Variants in CYRIB observed in about 807,000 individuals in gnomAD.
The protein encoded by CYRIB is CYFIP related Rac1 interactor B.
In CYRIB, 8 loss-of-function variants were observed where a neutral mutation model predicts 44.2. The observed-to-expected ratio is 0.18, with a 90% CI of 0.11 to 0.33. CYRIB has a LOEUF of 0.33. Ranked by LOEUF, CYRIB falls within the 10% of genes least tolerant of loss-of-function variation. The probability of loss-of-function intolerance (pLI) is 1.00; values close to 1 mark genes in which losing one functional copy is unlikely to be tolerated. For synonymous variants in CYRIB, 131 were observed against 127.2 expected (o/e 1.03, Z -0.20); for missense variants, 185 against 382.8 (o/e 0.48, Z 4.31).
At chr8:129,929,826 C>T (rs1183195869) in intron 1 of CYRIB, among the ~76,000 whole-genome samples, 1 of 152,120 alleles carries the variant, frequency 6.6e-6, no homozygotes, top group Non-Finnish European at 1.5e-5. Flanking sequence ...CTAAAACTAC[C>T]TGGAATAAAT....
chr8:129,989,485 G>T (rs1056422781), intron 1 of CYRIB, among the ~76,000 whole-genome samples: 12 of 152,144 alleles, frequency 7.9e-5, no homozygotes, highest in African/African-American at 2.9e-4. Flanking sequence ...CACGTAAGGG[G>T]CACTCTGAGT....
intron 5 of CYRIB, among the ~76,000 whole-genome samples, chr8:129,859,934 A>T (rs148956101): frequency 6.6e-6 from 1 of 152,292 alleles, no homozygotes; most frequent in Non-Finnish European, 1.5e-5. Context: ...GTGTAGTTAA[A>T]CCCTGTCAGC....
intron 4 of CYRIB, among the ~76,000 whole-genome samples, chr8:129,863,514 G>C (rs2051203762): frequency 6.7e-6 from 1 of 149,646 alleles, no homozygotes; most frequent in Admixed American, 6.7e-5. Flanking sequence ...GATAGAGCGA[G>C]ACTCTGTCTT....
At chr8:129,966,589 G>A (rs561020243) in intron 2 of CYRIB, among the ~76,000 whole-genome samples, 3 of 152,300 alleles carry the variant, frequency 2.0e-5, no homozygotes, top group South Asian at 2.1e-4. Flanking sequence ...AAGGCCAGGC[G>A]CAGTGGCTCA....
chr8:129,869,521 T>C (rs150902147), intron 4 of CYRIB, among the ~76,000 whole-genome samples: 145 of 152,290 alleles, frequency 9.5e-4, no homozygotes, highest in African/African-American at 3.4e-3. Flanking sequence ...AACTAATTTG[T>C]AGCACTGATA....
At chr8:129,851,280 G>T (rs552503857) in intron 8 of CYRIB, 2 of 207,474 alleles carry the variant, frequency 9.6e-6, no homozygotes, top group Non-Finnish European at 1.9e-5. Flanking sequence ...GAGGGAACAT[G>T]GTTTATGTTT....
intron 1 of CYRIB, among the ~76,000 whole-genome samples, chr8:129,933,201 T>C (rs2092007666): frequency 6.6e-6 from 1 of 152,168 alleles, no homozygotes; most frequent in East Asian, 1.9e-4. Context: ...TATAAAGCCT[T>C]GATTACCAGC....
intron 1 of CYRIB, among the ~76,000 whole-genome samples, chr8:129,935,349 G>A (rs902997467): frequency 5.5e-4 from 83 of 152,232 alleles, no homozygotes; most frequent in African/African-American, 1.9e-3. Context: ...ATTTTTCCAC[G>A]GACAGGGCGA....
At chr8:129,902,678 A>C (rs2072912814) in intron 2 of CYRIB, among the ~76,000 whole-genome samples, 2 of 152,184 alleles carry the variant, frequency 1.3e-5, no homozygotes, top group Non-Finnish European at 1.5e-5. Context: ...GTTTATAACT[A>C]AGAAGAACAC....
At chr8:129,904,930 T>C (rs918324175) in intron 1 of CYRIB, among the ~76,000 whole-genome samples, 1 of 152,126 alleles carries the variant, frequency 6.6e-6, no homozygotes, top group Non-Finnish European at 1.5e-5. Context: ...CAAATAAACG[T>C]GTGTGTTTAT....
At chr8:129,911,991 G>A (rs773251190) in intron 1 of CYRIB, among the ~76,000 whole-genome samples, 4 of 152,134 alleles carry the variant, frequency 2.6e-5, no homozygotes, top group Non-Finnish European at 4.4e-5. Context: ...TTTAAGATAC[G>A]TTCTGTGAAA....
intron 2 of CYRIB, among the ~76,000 whole-genome samples, chr8:129,892,557 A>G (rs1452682747): frequency 1.3e-5 from 2 of 152,076 alleles, no homozygotes; most frequent in East Asian, 3.8e-4. Flanking sequence ...ATATATGCCA[A>G]TAGTTTCAAT....
At chr8:129,855,704 T>C (rs202014391) in exon 6 of CYRIB, 129 of 1,613,938 alleles carry the variant, frequency 8.0e-5, no homozygotes, top group Non-Finnish European at 1.0e-4. Flanking sequence ...TGGGAGAATA[T>C]GGGGTACTTG....
intron 9 of CYRIB, chr8:129,850,619 T>C (rs995181354): frequency 1.8e-6 from 1 of 548,774 alleles, no homozygotes; most frequent in African/African-American, 1.9e-5. Flanking sequence ...CTGAGGTACC[T>C]GAAGACCAAC....
intron 1 of CYRIB, among the ~76,000 whole-genome samples, chr8:129,911,000 T>C (rs563615776): frequency 1.3e-5 from 2 of 152,306 alleles, no homozygotes; most frequent in African/African-American, 4.8e-5. Flanking sequence ...AGCTATTTTT[T>C]CCTCCACAAT....
chr8:129,854,142 G>A, intron 7 of CYRIB, 124 bp downstream of exon 9: 1 of 751,380 alleles, frequency 1.3e-6, no homozygotes. Flanking sequence ...AGCTATGGCT[G>A]CCCATAATTA....
chr8:129,935,235 T>A (rs564112978), intron 1 of CYRIB, among the ~76,000 whole-genome samples: 3 of 152,234 alleles, frequency 2.0e-5, no homozygotes, highest in African/African-American at 7.2e-5. Context: ...TCAGGTTAAT[T>A]TGGATTATCT....
intron 1 of CYRIB, among the ~76,000 whole-genome samples, chr8:129,990,461 G>GGTGTGT (rs373091317): frequency 6.7e-6 from 1 of 149,984 alleles, no homozygotes; most frequent in African/African-American, 2.5e-5. Flanking sequence ...AGAACAATAC[G>GGTGTGT]GTGTGTGTGT....
intron 1 of CYRIB, among the ~76,000 whole-genome samples, chr8:129,932,381 A>G (rs2091761854): frequency 6.6e-6 from 1 of 152,192 alleles, no homozygotes; most frequent in Non-Finnish European, 1.5e-5. Context: ...GTTCAGTATA[A>G]TAAATATAAT....
Sources: allele counts gnomAD v4.1 joint callset (sites outside exome capture counted in the v4.1 genomes callset), GRCh38; gene constraint gnomAD v4.1.1; transcripts MANE v1.5; gene names NCBI Gene and HGNC (gene_info 2026-07-23, HGNC 2026-07-21).